Variants in KATNBL1 observed in about 807,000 individuals in gnomAD.
KATNBL1 encodes KATNB1-like protein 1.
KATNBL1 carries 28 observed loss-of-function variants against 44.7 expected under a neutral mutation model. The observed-to-expected ratio is 0.63, with a 90% CI of 0.46 to 0.86. The LOEUF is 0.86. KATNBL1 is among the 40% of genes least tolerant of loss of function. The pLI is 0.00. For missense variants in KATNBL1, 272 were observed against 350.7 expected, an observed-to-expected ratio of 0.78 and a Z score of 1.79; for synonymous variants, 78 against 114.9, an observed-to-expected ratio of 0.68 and a Z score of 2.06.
At chr15:34,193,225 A>C (rs1386436612) in intron 1 of KATNBL1, among the ~76,000 whole-genome samples, 2 of 135,696 alleles carry the variant, frequency 1.5e-5, no homozygotes, top group Admixed American at 7.3e-5. Context: ...TCAAAAAAAA[A>C]AAAAAAAAAA....
intron 1 of KATNBL1, among the ~76,000 whole-genome samples, chr15:34,172,910 T>C (rs998303343): frequency 2.6e-5 from 4 of 152,156 alleles, no homozygotes; most frequent in African/African-American, 9.7e-5. Context: ...CTAAAAAGGG[T>C]GAATTTTTAT....
At chr15:34,180,579 G>C (rs951547590) in intron 1 of KATNBL1, among the ~76,000 whole-genome samples, 4 of 152,154 alleles carry the variant, frequency 2.6e-5, no homozygotes, top group South Asian at 4.2e-4. Context: ...TAATTTCTTT[G>C]TATTTGGCTC....
chr15:34,181,994 C>G (rs1978810), intron 1 of KATNBL1, among the ~76,000 whole-genome samples: 49,278 of 149,556 alleles, frequency 0.33, 8,639 homozygotes, highest in African/African-American at 0.47. Flanking sequence ...TACCATATGC[C>G]AGGTGTAGGC....
chr15:34,174,211 A>G lies in KATNBL1; in HGVS notation c.-14-10521T>C, dbSNP rs191866635. 9.2e-5 allele frequency among the ~76,000 whole-genome samples: 14 copies of G among 152,366 alleles called. No homozygotes were observed. The East Asian group carries it at 2.5e-3, about 27-fold the overall frequency. On this transcript the variant is annotated intron_variant, in intron 1 of 9. Coordinates refer to ENST00000256544, the MANE Select transcript of KATNBL1 (RefSeq NM_024713.3). Reference sequence around the variant, plus strand: ...GGTTAAAGGGACATAAAAAGAGGTAAGATTTCTACATTTCACTCAAACTGG... The same window carrying G: ...GGTTAAAGGGACATAAAAAGAGGTAGGATTTCTACATTTCACTCAAACTGG...
At chr15:34,148,557 C>T in intron 5 of KATNBL1, 75 bp downstream of exon 5, 1 of 860,828 alleles carries the variant, frequency 1.2e-6, no homozygotes, top group Non-Finnish European at 1.9e-6. Context: ...CACTGTACTC[C>T]AACTTGGATG....
chr15:34,169,767 T>A (rs543063303), intron 1 of KATNBL1, among the ~76,000 whole-genome samples: 15 of 152,326 alleles, frequency 9.8e-5, no homozygotes, highest in African/African-American at 3.6e-4. Context: ...ATCCCTGGGA[T>A]GCAAGGCTGG....
At chr15:34,208,637 AAC>A (rs1392726428) in intron 1 of KATNBL1, 1 of 152,266 alleles carries the variant, frequency 6.6e-6, no homozygotes, top group Non-Finnish European at 1.5e-5. Flanking sequence ...CATAAATTAT[AAC>A]ACACATAAAG....
chr15:34,171,657 T>A (rs1889163476), intron 1 of KATNBL1, among the ~76,000 whole-genome samples: 1 of 152,174 alleles, frequency 6.6e-6, no homozygotes, highest in African/African-American at 2.4e-5. Flanking sequence ...TGCAGCACTA[T>A]TCACAGTAGC....
chr15:34,182,747 A>G (rs1473914145), intron 1 of KATNBL1, among the ~76,000 whole-genome samples: 1 of 152,248 alleles, frequency 6.6e-6, no homozygotes. Flanking sequence ...GAAAGAAGCC[A>G]GATTCGAAAG....
At chr15:34,184,337 C>T (rs1033571705) in intron 1 of KATNBL1, among the ~76,000 whole-genome samples, 1 of 148,242 alleles carries the variant, frequency 6.7e-6, no homozygotes. Context: ...CGTGGTGGTG[C>T]GCACCTGTGG....
chr15:34,161,264 A>G (rs538568169), intron 2 of KATNBL1, among the ~76,000 whole-genome samples: 1 of 151,836 alleles, frequency 6.6e-6, no homozygotes, highest in Non-Finnish European at 1.5e-5. Context: ...TTTTTCCCCC[A>G]AGTTGTTGGT....
intron 1 of KATNBL1, among the ~76,000 whole-genome samples, chr15:34,178,711 G>A (rs1011599383): frequency 2.1e-4 from 31 of 147,022 alleles, no homozygotes; most frequent in Non-Finnish European, 3.9e-4. Context: ...AGCTGAGATC[G>A]TGCCACTGCA....
chr15:34,191,154 CATATATATATATAT>C (rs57428240), intron 1 of KATNBL1, among the ~76,000 whole-genome samples: 3,736 of 136,116 alleles, frequency 0.027, 184 homozygotes, highest in African/African-American at 0.093. Context: ...AATCATAGAC[CATATATATATATAT>C]ATATATATAT....
intron 2 of KATNBL1, among the ~76,000 whole-genome samples, chr15:34,163,122 C>T (rs1438004100): frequency 6.6e-6 from 1 of 150,432 alleles, no homozygotes; most frequent in Non-Finnish European, 1.5e-5. Flanking sequence ...CAGCTCACTG[C>T]AACTTCCACC....
intron 1 of KATNBL1, among the ~76,000 whole-genome samples, chr15:34,197,932 G>A (rs1269013867): frequency 6.6e-6 from 1 of 151,978 alleles, no homozygotes; most frequent in East Asian, 1.9e-4. Context: ...ATTTTTAGTA[G>A]AGACAGGGTT....
rs1024857713 is a variant in KATNBL1, at chr15:34,140,945, A to T, written c.*1394T>A. On this transcript the variant is annotated 3_prime_UTR_variant, in exon 10 of 10. Transcript: ENST00000256544. ...GAAACATAACTTTTAAGAGCAAGAA[A>T]TCTGCTTGAGATTCGTATCAGTAGT... 2.6e-5 allele frequency: 4 copies of T among 152,164 alleles called. No individual in the cohort carries two copies. The highest frequency in any genetic ancestry group is 9.6e-5 in the African/African-American group (4 of 41,452). The allele number at this position is 152,164 out of a possible 1,614,324, so 9.4% of individuals were successfully genotyped here.
chr15:34,185,572 G>A (rs1047584196), intron 1 of KATNBL1, among the ~76,000 whole-genome samples: 1 of 152,182 alleles, frequency 6.6e-6, no homozygotes, highest in African/African-American at 2.4e-5. Context: ...AGTGAACAAT[G>A]AATACCATCA....
chr15:34,190,956 G>T (rs1192611035), intron 1 of KATNBL1, among the ~76,000 whole-genome samples: 1 of 151,960 alleles, frequency 6.6e-6, no homozygotes, highest in East Asian at 1.9e-4. Context: ...CAAACGCTTT[G>T]CAAGAAAATA....
At chr15:34,207,037 C>CTT (rs10713100) in intron 1 of KATNBL1, among the ~76,000 whole-genome samples, 1 of 140,136 alleles carries the variant, frequency 7.1e-6, no homozygotes, top group African/African-American at 2.6e-5. Flanking sequence ...CTAGACAATA[C>CTT]TTTTTTTTTT....
Sources: gnomAD v4.1 joint callset for allele counts (sites outside exome capture counted in the v4.1 genomes callset) on GRCh38, gnomAD v4.1.1 for gene constraint, MANE v1.5 for transcripts, NCBI Gene and HGNC (gene_info 2026-07-23, HGNC 2026-07-21) for gene names.